Variants in PRKCE observed in about 807,000 individuals in gnomAD.
The protein encoded by PRKCE is protein kinase C epsilon.
Under a neutral mutation model 85.4 loss-of-function variants are expected in PRKCE, and 16 were observed. The ratio of observed to expected loss-of-function variants is 0.19; its 90% CI spans 0.13 to 0.28. The LOEUF (loss-of-function observed/expected upper bound fraction) is 0.28, where lower values mean the gene tolerates loss of function less well. Ranked by LOEUF, PRKCE falls within the 10% of genes least tolerant of loss-of-function variation. The probability of loss-of-function intolerance (pLI) is 1.00; values close to 1 mark genes in which losing one functional copy is unlikely to be tolerated. For missense variants in PRKCE, 573 were observed against 975.2 expected (o/e 0.59, Z 5.49); for synonymous variants, 388 against 371.5 (o/e 1.04, Z -0.51).
chr2:46,061,104 C>CTTTTTTT (rs565280374), intron 10 of PRKCE, among the ~76,000 whole-genome samples: 10 of 103,484 alleles, frequency 9.7e-5, no homozygotes, highest in East Asian at 3.0e-4. Context: ...CTTTTTTTTC[C>CTTTTTTT]TTTTTTTTTT....
chr2:45,781,353 C>A (rs184222119), intron 1 of PRKCE, among the ~76,000 whole-genome samples: 5 of 152,224 alleles, frequency 3.3e-5, no homozygotes, highest in African/African-American at 1.2e-4. Context: ...AAAAAGAAAT[C>A]AAATTACTAC....
rs1339136093 is a variant in PRKCE, at chr2:46,187,232, T to G, written c.*2351T>G. On this transcript the variant is annotated 3_prime_UTR_variant, in exon 15 of 15. Coordinates refer to ENST00000306156, the MANE Select transcript of PRKCE (RefSeq NM_005400.3). ...CTAGTGTTTGCACGGCAGTGGGAAC[T>G]GGGCCTTTCCTACAGGACAACTGGC... is the stretch of plus-strand genomic sequence containing the variant. 6.6e-6 allele frequency: 1 copy of G among 152,648 alleles called. No individual in the cohort carries two copies. The highest frequency in any genetic ancestry group is 2.4e-5 in the African/African-American group (1 of 41,458). 9.5% of individuals were successfully genotyped at this position (152,648 alleles called of 1,614,324 possible). A position where few individuals can be genotyped will look rare whatever the true frequency, so the allele number is the denominator to read the frequency against.
chr2:46,150,654 C>T lies in PRKCE; in HGVS notation c.1732-387C>T, dbSNP rs182376623. ...CTGTGTGAGATGGGAGACCTGACCT[C>T]GCTGCACTCTGAGTCACTTACAGCT... is the stretch of plus-strand genomic sequence containing the variant. On this transcript the variant is annotated intron_variant, in intron 12 of 14. Coordinates refer to ENST00000306156, the MANE Select transcript of PRKCE (RefSeq NM_005400.3). Among the ~76,000 whole-genome samples the T allele has an allele frequency of 5.6e-4, 85 of 152,318 alleles. 1 individual carries two copies. In the East Asian group the frequency reaches 9.1e-3, roughly 16 times the overall value.
intron 11 of PRKCE, among the ~76,000 whole-genome samples, chr2:46,144,608 G>A (rs1033970979): frequency 2.0e-5 from 3 of 152,126 alleles, no homozygotes; most frequent in East Asian, 3.9e-4. Flanking sequence ...GTGGTCTCCC[G>A]CTCTGATGCA....
At chr2:45,665,318 T>A (rs530244445) in intron 1 of PRKCE, among the ~76,000 whole-genome samples, 3 of 152,330 alleles carry the variant, frequency 2.0e-5, no homozygotes, top group Non-Finnish European at 4.4e-5. Flanking sequence ...GTTCTTCTGC[T>A]TTGTAGCTTT....
chr2:45,835,228 A>G (rs1200393908), intron 1 of PRKCE, among the ~76,000 whole-genome samples: 1 of 152,236 alleles, frequency 6.6e-6, no homozygotes, highest in Non-Finnish European at 1.5e-5. Flanking sequence ...TTGTGGAGGA[A>G]TCCTTATGCG....
intron 11 of PRKCE, among the ~76,000 whole-genome samples, chr2:46,093,907 CA>C (rs1293966286): frequency 6.6e-6 from 1 of 151,900 alleles, no homozygotes; most frequent in Non-Finnish European, 1.5e-5. Context: ...TGTGAAATAC[CA>C]TTTGGAATTC....
chr2:45,978,849 C>T, intron 3 of PRKCE, 127 bp from the exon 4 acceptor site: 1 of 745,926 alleles, frequency 1.3e-6, no homozygotes, highest in Non-Finnish European at 2.2e-6. Context: ...AGAGAAATTA[C>T]AATATTCTGC....
intron 1 of PRKCE, among the ~76,000 whole-genome samples, chr2:45,729,484 G>A (rs964248920): frequency 2.0e-5 from 3 of 152,038 alleles, no homozygotes; most frequent in Non-Finnish European, 2.9e-5. Flanking sequence ...GCATCTATGT[G>A]TCCCCCTTCA....
At chr2:45,862,980 T>C (rs555075521) in intron 2 of PRKCE, among the ~76,000 whole-genome samples, 3 of 152,300 alleles carry the variant, frequency 2.0e-5, no homozygotes, top group South Asian at 4.1e-4. Flanking sequence ...TACTCCCTGG[T>C]GTCTCCACCC....
chr2:45,657,965 C>G (rs928723015), intron 1 of PRKCE, among the ~76,000 whole-genome samples: 1 of 152,260 alleles, frequency 6.6e-6, no homozygotes, highest in African/African-American at 2.4e-5. Context: ...GCATCTCCTA[C>G]AATGGCAGCC....
chr2:46,164,829 C>T (rs1574645385), intron 14 of PRKCE: 1 of 152,368 alleles, frequency 6.6e-6, no homozygotes, highest in South Asian at 2.1e-4. Context: ...CTGGGGACCC[C>T]TGGGTCACCA....
intron 1 of PRKCE, among the ~76,000 whole-genome samples, chr2:45,688,345 G>T (rs1427106679): frequency 6.6e-6 from 1 of 152,170 alleles, no homozygotes; most frequent in African/African-American, 2.4e-5. Flanking sequence ...GTACATATCA[G>T]AAGAGGGTAA....
intron 6 of PRKCE, among the ~76,000 whole-genome samples, chr2:45,996,614 G>A (rs1704239384): frequency 1.1e-5 from 1 of 90,326 alleles, no homozygotes; most frequent in African/African-American, 4.0e-5. Context: ...TCTCTCTTTA[G>A]TCTATTGATA....
chr2:46,024,483 T>C (rs1206709537), intron 10 of PRKCE, among the ~76,000 whole-genome samples: 1 of 152,170 alleles, frequency 6.6e-6, no homozygotes, highest in East Asian at 1.9e-4. Context: ...AATTCCTTTG[T>C]TGGGTCAGTA....
intron 2 of PRKCE, among the ~76,000 whole-genome samples, chr2:45,856,206 C>A (rs1187946528): frequency 6.6e-6 from 1 of 152,184 alleles, no homozygotes; most frequent in African/African-American, 2.4e-5. Context: ...ATATCCCCCT[C>A]TCTAAACATT....
chr2:45,723,436 G>C (rs1244700149), intron 1 of PRKCE, among the ~76,000 whole-genome samples: 1 of 152,120 alleles, frequency 6.6e-6, no homozygotes. Context: ...CTAGGCTCCT[G>C]GACATTAGGT....
intron 11 of PRKCE, among the ~76,000 whole-genome samples, chr2:46,088,582 C>T (rs1030917052): frequency 6.6e-6 from 1 of 152,180 alleles, no homozygotes; most frequent in Admixed American, 6.5e-5. Context: ...AATCTACATG[C>T]TCTTCTTGAT....
chr2:46,143,073 C>T (rs1033733524), intron 11 of PRKCE, among the ~76,000 whole-genome samples: 1 of 152,148 alleles, frequency 6.6e-6, no homozygotes, highest in African/African-American at 2.4e-5. Context: ...TCCACCAAGC[C>T]TTCACCACCT....
Sources: gnomAD v4.1 joint callset for allele counts (sites outside exome capture counted in the v4.1 genomes callset) on GRCh38, gnomAD v4.1.1 for gene constraint, MANE v1.5 for transcripts, NCBI Gene and HGNC (gene_info 2026-07-23, HGNC 2026-07-21) for gene names.